Variants in RGS6 observed in about 807,000 individuals in gnomAD.
RGS6 encodes the protein regulator of G protein signaling 6, also known as regulator of G-protein signaling 6.
Under a neutral mutation model 78.5 loss-of-function variants are expected in RGS6, and 30 were observed. That is an observed-to-expected ratio of 0.38 (90% confidence interval 0.29 to 0.52). The LOEUF (loss-of-function observed/expected upper bound fraction) is 0.52. RGS6 is among the 20% of genes least tolerant of loss of function. The pLI is 0.85. For missense variants in RGS6, 495 were observed against 609.7 expected, an observed-to-expected ratio of 0.81 and a Z score of 1.98; for synonymous variants, 206 against 206.0, an observed-to-expected ratio of 1.00 and a Z score of 0.00.
intron 2 of RGS6, among the ~76,000 whole-genome samples, chr14:72,131,329 C>T (rs2096310576): frequency 6.6e-6 from 1 of 152,150 alleles, no homozygotes; most frequent in Non-Finnish European, 1.5e-5. Flanking sequence ...ATTTCCCAGT[C>T]TACTTGGGAT....
At chr14:71,952,068 AAG>A (rs915195002) in intron 1 of RGS6, among the ~76,000 whole-genome samples, 2 of 152,124 alleles carry the variant, frequency 1.3e-5, no homozygotes, top group African/African-American at 4.8e-5. Context: ...TTACTTGTAA[AAG>A]AGTTATTACT....
At chr14:72,542,740 T>C (rs1295761872) in intron 17 of RGS6, among the ~76,000 whole-genome samples, 1 of 152,062 alleles carries the variant, frequency 6.6e-6, no homozygotes, top group Non-Finnish European at 1.5e-5. Context: ...GAATTCAGAA[T>C]TTCTCCCCAG....
At chr14:72,050,683 C>T (rs1222755586) in intron 2 of RGS6, among the ~76,000 whole-genome samples, 2 of 152,168 alleles carry the variant, frequency 1.3e-5, no homozygotes, top group African/African-American at 2.4e-5. Flanking sequence ...AATCAATATA[C>T]CGTTGACCCT....
intron 3 of RGS6, among the ~76,000 whole-genome samples, chr14:72,425,957 T>A (rs908421396): frequency 4.6e-5 from 7 of 152,172 alleles, no homozygotes; most frequent in Non-Finnish European, 1.0e-4. Flanking sequence ...AGAAAGAGAA[T>A]CTAAGCGGTA....
At chr14:72,031,836 CT>C (rs1476314047) in intron 2 of RGS6, among the ~76,000 whole-genome samples, 1 of 151,794 alleles carries the variant, frequency 6.6e-6, no homozygotes. Flanking sequence ...CAGATTGCTA[CT>C]GACAACACTT....
upstream of RGS6, among the ~76,000 whole-genome samples, chr14:71,930,977 CAAAAAAAAAAAAAAAAAAAAAAA>C (rs58649273): frequency 1.6e-3 from 26 of 16,648 alleles, no homozygotes; most frequent in Non-Finnish European, 2.6e-3. Flanking sequence ...AACTACGTCT[CAAAAAAAAAAAAAAAAAAAAAAA>C]AAAAAAAAAA....
At chr14:72,268,863 T>A (rs1424987084) in intron 2 of RGS6, among the ~76,000 whole-genome samples, 1 of 152,210 alleles carries the variant, frequency 6.6e-6, no homozygotes, top group African/African-American at 2.4e-5. Flanking sequence ...ATGACACATC[T>A]GCAAATAGAC....
At chr14:71,950,858 G>A (rs2092239254) in intron 1 of RGS6, among the ~76,000 whole-genome samples, 1 of 152,154 alleles carries the variant, frequency 6.6e-6, no homozygotes, top group Non-Finnish European at 1.5e-5. Context: ...ACCACAGTGA[G>A]ATACCATCTC....
At chr14:71,949,215 A>G (rs1209437699) in intron 1 of RGS6, among the ~76,000 whole-genome samples, 2 of 152,150 alleles carry the variant, frequency 1.3e-5, no homozygotes, top group Non-Finnish European at 2.9e-5. Flanking sequence ...TGGGGTGTGC[A>G]TATGTTCAGC....
chr14:72,096,577 T>G (rs1170008939), intron 2 of RGS6, among the ~76,000 whole-genome samples: 3 of 152,174 alleles, frequency 2.0e-5, no homozygotes, highest in Non-Finnish European at 4.4e-5. Context: ...ACATAGGTTT[T>G]GTGGGTTGAC....
intron 3 of RGS6, among the ~76,000 whole-genome samples, chr14:72,431,072 C>T (rs529322761): frequency 6.6e-6 from 1 of 152,238 alleles, no homozygotes; most frequent in East Asian, 1.9e-4. Context: ...ATGCAGCAAA[C>T]ATTTATTAAG....
chr14:72,328,574 A>C (rs1352080361), intron 2 of RGS6, among the ~76,000 whole-genome samples: 1 of 152,110 alleles, frequency 6.6e-6, no homozygotes, highest in Admixed American at 6.5e-5. Flanking sequence ...CATAAAGAGT[A>C]ATTTCCTTTC....
At chr14:72,076,478 A>G (rs1356358022) in intron 2 of RGS6, among the ~76,000 whole-genome samples, 2 of 152,226 alleles carry the variant, frequency 1.3e-5, no homozygotes, top group Non-Finnish European at 1.5e-5. Flanking sequence ...TATCTCTAGA[A>G]GGAAGATTAC....
At chr14:72,190,688 A>C (rs2097312244) in intron 2 of RGS6, among the ~76,000 whole-genome samples, 1 of 152,222 alleles carries the variant, frequency 6.6e-6, no homozygotes, top group African/African-American at 2.4e-5. Flanking sequence ...GTAGAGGAGA[A>C]TCTAGGAGAT....
intron 3 of RGS6, among the ~76,000 whole-genome samples, chr14:72,398,627 CT>C (rs2091874537): frequency 6.6e-6 from 1 of 152,086 alleles, no homozygotes; most frequent in South Asian, 2.1e-4. Context: ...TTCTCTAGTT[CT>C]TTTAATTGTG....
intron 2 of RGS6, among the ~76,000 whole-genome samples, chr14:72,319,461 T>C (rs1474847819): frequency 6.6e-6 from 1 of 151,970 alleles, no homozygotes; most frequent in Admixed American, 6.6e-5. Flanking sequence ...GCCATTCTCC[T>C]GCCTCAGCCT....
chr14:72,473,286 AC>A, intron 9 of RGS6, among the ~76,000 whole-genome samples: 1 of 152,316 alleles, frequency 6.6e-6, no homozygotes, highest in South Asian at 2.1e-4. Flanking sequence ...TACTAAAAAT[AC>A]AAAAAAATTA....
intron 17 of RGS6, among the ~76,000 whole-genome samples, chr14:72,558,405 C>G (rs2097616821): frequency 6.6e-6 from 1 of 152,138 alleles, no homozygotes; most frequent in East Asian, 1.9e-4. Context: ...CTCCTCCCAG[C>G]CAAAGAAAGA....
At chr14:72,472,810 A>C in intron 8 of RGS6, 62 bp from the exon 9 acceptor site, 1 of 1,234,152 alleles carries the variant, frequency 8.1e-7, no homozygotes, top group Non-Finnish European at 1.2e-6. Context: ...CGCTGGAGCA[A>C]GTGTCAGAAG....
Sources: gnomAD v4.1 joint callset for allele counts (sites outside exome capture counted in the v4.1 genomes callset) on GRCh38, gnomAD v4.1.1 for gene constraint, MANE v1.5 for transcripts, NCBI Gene and HGNC (gene_info 2026-07-23, HGNC 2026-07-21) for gene names.